The following ZDHHC20 variants were observed in gnomAD, a reference collection of about 807,000 sequenced individuals.
ZDHHC20 encodes palmitoyltransferase ZDHHC20.
ZDHHC20 carries 43 observed loss-of-function variants against 57.8 expected under a neutral mutation model. The ratio of observed to expected loss-of-function variants is 0.74; its 90% CI spans 0.58 to 0.96. The LOEUF is 0.96. Among genes scored for constraint, ZDHHC20 ranks in the 40% least tolerant of loss-of-function variants. The probability of loss-of-function intolerance (pLI) is 0.00; values close to 1 mark genes in which losing one functional copy is unlikely to be tolerated. For synonymous variants in ZDHHC20, 157 were observed against 153.0 expected, an observed-to-expected ratio of 1.03 and a Z score of -0.19; for missense variants, 391 against 441.1, an observed-to-expected ratio of 0.89 and a Z score of 1.02.
At chr13:21,435,408 G>C (rs1882439753) in intron 1 of ZDHHC20, among the ~76,000 whole-genome samples, 3 of 152,020 alleles carry the variant, frequency 2.0e-5, no homozygotes, top group African/African-American at 7.2e-5. Flanking sequence ...ATCAAACAAT[G>C]CTGAAATATA....
At chr13:21,392,351 T>A (rs1020003735) in intron 7 of ZDHHC20, among the ~76,000 whole-genome samples, 1 of 148,958 alleles carries the variant, frequency 6.7e-6, no homozygotes, top group Non-Finnish European at 1.5e-5. Context: ...GCTCCCCATA[T>A]CTATACAAAA....
intron 1 of ZDHHC20, among the ~76,000 whole-genome samples, chr13:21,443,219 T>TA (rs753636415): frequency 4.6e-5 from 7 of 152,140 alleles, no homozygotes; most frequent in Non-Finnish European, 8.8e-5. Context: ...CCTTCTCCCC[T>TA]AGGAGTGGTG....
At chr13:21,405,262 T>C (rs1378024148) in intron 4 of ZDHHC20, among the ~76,000 whole-genome samples, 4 of 152,338 alleles carry the variant, frequency 2.6e-5, no homozygotes, top group African/African-American at 7.2e-5. Flanking sequence ...TTTTCATTTA[T>C]TTAAGCCTTT....
chr13:21,442,049 CAT>C (rs1306966822), intron 1 of ZDHHC20, among the ~76,000 whole-genome samples: 6 of 152,212 alleles, frequency 3.9e-5, no homozygotes, highest in South Asian at 4.1e-4. Flanking sequence ...CGTTAGGTAT[CAT>C]AAATTTTGTT....
In ZDHHC20 at chr13:21,393,699, C is replaced by CAAAAAAAAAAAAAAAA. The variant is rs71093307; in HGVS notation, c.595-1861_595-1846dup. On this transcript the variant is annotated intron_variant, in intron 7 of 12. Coordinates refer to ENST00000400590, the MANE Select transcript of ZDHHC20 (RefSeq NM_001330059.2). ...AGCCTGGGCGACACAGCAAGTCTCA[C>CAAAAAAAAAAAAAAAA]AAAAAAAAAAAAAAAAAAAAAAAAA... is the stretch of plus-strand genomic sequence containing the variant. Among the ~76,000 whole-genome samples the CAAAAAAAAAAAAAAAA allele has an allele frequency of 2.7e-4, 17 of 63,414 alleles. 1 individual carries two copies. Among genetic ancestry groups the CAAAAAAAAAAAAAAAA allele is most frequent in the African/African-American group, 1.3e-3 (17 of 13,320 alleles). 41.6% of individuals were successfully genotyped at this position (63,414 alleles called of 152,430 possible). A position where few individuals can be genotyped will look rare whatever the true frequency, so the allele number is the denominator to read the frequency against.
intron 1 of ZDHHC20, among the ~76,000 whole-genome samples, chr13:21,437,989 C>T (rs190447181): frequency 1.1e-4 from 16 of 152,350 alleles, no homozygotes; most frequent in Middle Eastern, 3.4e-3. Flanking sequence ...CCGCACCCAG[C>T]GGCTTTATTG....
intron 1 of ZDHHC20, among the ~76,000 whole-genome samples, chr13:21,433,325 T>C (rs1882194165): frequency 1.3e-5 from 2 of 151,884 alleles, no homozygotes; most frequent in Non-Finnish European, 2.9e-5. Context: ...CTTAAAAAAA[T>C]ACTCAAACAA....
intron 8 of ZDHHC20, 55 bp from the exon 9 acceptor site, chr13:21,387,689 G>C (rs1303284009): frequency 1.7e-5 from 20 of 1,167,330 alleles, no homozygotes; most frequent in Non-Finnish European, 2.1e-5. Context: ...AATTATAGGA[G>C]GGATGGAAAT....
rs1186303679 is a variant in ZDHHC20, at chr13:21,373,517, G to A, written c.*3179C>T. The A allele has an allele frequency of 6.6e-6, 1 of 152,256 alleles. No homozygotes were observed. Among genetic ancestry groups the A allele is most frequent in the African/African-American group, 2.4e-5 (1 of 41,566 alleles). The allele number at this position is 152,256 out of a possible 1,614,324, so 9.4% of individuals were successfully genotyped here. ...AGATGAAAATAAACTTTGTAAACTT[G>A]TTCATTTAAAATAACGAATGTACTG... On this transcript the variant is annotated 3_prime_UTR_variant, in exon 13 of 13. Transcript: ENST00000400590.
chr13:21,402,735 T>C (rs1328920122), intron 5 of ZDHHC20, 62 bp downstream of exon 5: 15 of 1,364,152 alleles, frequency 1.1e-5, no homozygotes, highest in Non-Finnish European at 1.4e-5. Flanking sequence ...TCCTTCCCCT[T>C]GCACTTTCCC....
intron 5 of ZDHHC20, among the ~76,000 whole-genome samples, chr13:21,402,516 C>T (rs1877832796): frequency 6.6e-6 from 1 of 152,152 alleles, no homozygotes; most frequent in East Asian, 1.9e-4. Context: ...CATATTATCT[C>T]CTTACATGTA....
At chr13:21,398,845 T>C (rs907286785) in intron 7 of ZDHHC20, among the ~76,000 whole-genome samples, 5 of 152,278 alleles carry the variant, frequency 3.3e-5, no homozygotes, top group South Asian at 4.1e-4. Flanking sequence ...GCTCAGCCCA[T>C]GTGAGCGCTA....
At chr13:21,444,467 C>A (rs939137155) in intron 1 of ZDHHC20, among the ~76,000 whole-genome samples, 2 of 152,030 alleles carry the variant, frequency 1.3e-5, no homozygotes, top group Admixed American at 1.3e-4. Context: ...ATGTCTCATA[C>A]TTTGATATTA....
chr13:21,381,117 T>C (rs1776882997), intron 11 of ZDHHC20, among the ~76,000 whole-genome samples: 1 of 151,884 alleles, frequency 6.6e-6, no homozygotes, highest in East Asian at 2.0e-4. Context: ...AGCCATTCTC[T>C]TGCCTCAGTC....
intron 1 of ZDHHC20, among the ~76,000 whole-genome samples, chr13:21,443,991 A>G (rs1003173783): frequency 6.6e-5 from 10 of 152,128 alleles, no homozygotes; most frequent in Non-Finnish European, 1.3e-4. Flanking sequence ...CCCCATCTCT[A>G]CTAAAAATAC....
At chr13:21,438,442 C>A (rs1444509085) in intron 1 of ZDHHC20, among the ~76,000 whole-genome samples, 1 of 152,170 alleles carries the variant, frequency 6.6e-6, no homozygotes, top group Non-Finnish European at 1.5e-5. Context: ...GAGGAAGGGA[C>A]TGCAGATGTG....
At chr13:21,425,477 G>A (rs1439479149) in intron 2 of ZDHHC20, among the ~76,000 whole-genome samples, 175 bp downstream of exon 2, 1 of 151,978 alleles carries the variant, frequency 6.6e-6, no homozygotes, top group Non-Finnish European at 1.5e-5. Context: ...TACATGAAAT[G>A]TCTTGGTCTG....
intron 1 of ZDHHC20, among the ~76,000 whole-genome samples, chr13:21,458,725 G>C (rs559321408): frequency 1.3e-5 from 2 of 152,284 alleles, no homozygotes; most frequent in East Asian, 1.9e-4. Flanking sequence ...TAAGAAGCTC[G>C]ACTACTCCCG....
intron 8 of ZDHHC20, among the ~76,000 whole-genome samples, chr13:21,388,294 G>A (rs1874966145): frequency 6.6e-6 from 1 of 152,138 alleles, no homozygotes; most frequent in Admixed American, 6.6e-5. Flanking sequence ...TTAAAAACAA[G>A]GCACTTCAGT....
Sources: allele counts gnomAD v4.1 joint callset (sites outside exome capture counted in the v4.1 genomes callset), GRCh38; gene constraint gnomAD v4.1.1; transcripts MANE v1.5; gene names NCBI Gene and HGNC (gene_info 2026-07-23, HGNC 2026-07-21).